GPR160: variants seen among roughly 807,000 people sequenced by gnomAD.
GPR160 encodes probable G protein-coupled receptor 160.
A neutral mutation model predicts 2.6 loss-of-function variants in GPR160; 2 were observed. That is an observed-to-expected ratio of 0.77 (90% confidence interval 0.32 to 2.44). The LOEUF (loss-of-function observed/expected upper bound fraction) is 2.44. Among genes scored for constraint, GPR160 ranks in the 30% most tolerant of loss-of-function variants. The pLI, the probability that GPR160 is intolerant of heterozygous loss-of-function variation, is 0.11. For synonymous variants in GPR160, 130 were observed against 132.2 expected, an observed-to-expected ratio of 0.98 and a Z score of 0.12; for missense variants, 351 against 383.6, an observed-to-expected ratio of 0.91 and a Z score of 0.71.
chr3:170,048,766 G>T (rs1716837778), intron 2 of GPR160, among the ~76,000 whole-genome samples: 1 of 152,234 alleles, frequency 6.6e-6, no homozygotes. Flanking sequence ...GTTGCTGTTT[G>T]TGTCGCCGGG....
intron 2 of GPR160, among the ~76,000 whole-genome samples, chr3:170,069,911 T>C (rs1031538702): frequency 6.6e-6 from 1 of 152,084 alleles, no homozygotes; most frequent in Non-Finnish European, 1.5e-5. Context: ...CGGTTTCTCC[T>C]GGGGCCTTTT....
intron 2 of GPR160, among the ~76,000 whole-genome samples, chr3:170,055,071 G>C (rs1325717810): frequency 6.6e-6 from 1 of 152,208 alleles, no homozygotes; most frequent in Non-Finnish European, 1.5e-5. Flanking sequence ...TGGGATTATA[G>C]GCATAAGCCA....
chr3:170,068,229 C>T (rs1712439291), intron 2 of GPR160, among the ~76,000 whole-genome samples: 1 of 151,982 alleles, frequency 6.6e-6, no homozygotes, highest in African/African-American at 2.4e-5. Flanking sequence ...ACTGCAACCT[C>T]TGCCTCCCAG....
At chr3:170,080,665 G>A (rs999877101) in intron 3 of GPR160, among the ~76,000 whole-genome samples, 1 of 152,170 alleles carries the variant, frequency 6.6e-6, no homozygotes, top group Non-Finnish European at 1.5e-5. Context: ...AGTCAATGAT[G>A]AAACGGGAAC....
chr3:170,056,625 C>G (rs1432937200), intron 2 of GPR160, among the ~76,000 whole-genome samples: 1 of 152,130 alleles, frequency 6.6e-6, no homozygotes, highest in East Asian at 1.9e-4. Flanking sequence ...CAGTTTTAAT[C>G]CATAACTGGT....
Position 170,050,123 on chromosome 3 carries a change from G to A in GPR160, c.-193+11080G>A, listed in dbSNP as rs186823381. 9.7e-4 allele frequency among the ~76,000 whole-genome samples: 146 copies of A among 150,680 alleles called. 1 individual carries two copies. The highest frequency in any genetic ancestry group is 3.5e-3 in the Middle Eastern group (1 of 286). On this transcript the variant is annotated intron_variant, in intron 2 of 3. Transcript: ENST00000355897. The stretch of plus-strand genomic sequence containing the variant: ...TGACCAGGCTGGAGTGCAATGGTGC[G>A]TTCTCGGCTCACTGCAACCTCCACC...
chr3:170,061,648 A>G (rs1711962139), intron 2 of GPR160, among the ~76,000 whole-genome samples: 1 of 152,194 alleles, frequency 6.6e-6, no homozygotes, highest in Admixed American at 6.5e-5. Context: ...GAAGTCTTAT[A>G]AGACCACACT....
chr3:170,075,631 A>G (rs1276465214), intron 2 of GPR160, among the ~76,000 whole-genome samples: 1 of 152,218 alleles, frequency 6.6e-6, no homozygotes, highest in Admixed American at 6.5e-5. Context: ...TCCCCAGCCC[A>G]TGATGGGGAA....
chr3:170,062,421 A>T, intron 2 of GPR160: 1 of 454,110 alleles, frequency 2.2e-6, no homozygotes. Flanking sequence ...AATGCTCTGG[A>T]ATGTGTTCCA....
intron 2 of GPR160, among the ~76,000 whole-genome samples, chr3:170,040,987 GCTCCAGATTTCTTTT>G (rs563230065): frequency 0.022 from 3,313 of 152,210 alleles, 57 homozygotes; most frequent in Middle Eastern, 0.034. Context: ...CATCAGGCTT[GCTCCAGATTTCTTTT>G]CTCCAGATTT....
In GPR160 at chr3:170,084,564, A is replaced by G. The variant is rs1336591947; in HGVS notation, c.592A>G (p.Ile198Val). The change falls in exon 4 of 4, where the codon ATA becomes GTA. Residue 198 changes from isoleucine to valine, a missense_variant. By Grantham distance (29) the Ile-to-Val change is conservative. Transcript: ENST00000355897. ...FMVMILFVAF[I>V]TCWEEVTTLV... Reference sequence around the variant, plus strand: ...GGTGATGATTTTATTTGTAGCTTTCATAACCTGTTGGGAAGAAGTTACTAC... The same window carrying G: ...GGTGATGATTTTATTTGTAGCTTTCGTAACCTGTTGGGAAGAAGTTACTAC... 1 of 1,612,986 alleles carries G rather than the reference A, an allele frequency of 6.2e-7. No homozygotes were observed. Among genetic ancestry groups the G allele is most frequent in the Non-Finnish European group, 8.5e-7 (1 of 1,178,934 alleles).
At chr3:170,052,878 T>C (rs149423707) in intron 2 of GPR160, among the ~76,000 whole-genome samples, 95 of 152,332 alleles carry the variant, frequency 6.2e-4, no homozygotes, top group African/African-American at 2.2e-3. Flanking sequence ...TCTCCTGAGT[T>C]AATTTCTGTT....
chr3:170,060,202 C>T (rs1711868875), intron 2 of GPR160, among the ~76,000 whole-genome samples: 1 of 151,990 alleles, frequency 6.6e-6, no homozygotes, highest in Non-Finnish European at 1.5e-5. Flanking sequence ...TTTAAGCATT[C>T]AAAAGAAGAA....
At chr3:170,082,762 A>ATTT (rs536711258) in intron 3 of GPR160, among the ~76,000 whole-genome samples, 48 of 141,014 alleles carry the variant, frequency 3.4e-4, no homozygotes, top group African/African-American at 1.1e-3. Flanking sequence ...TGCCCAGGTA[A>ATTT]TTTTTTTTTT....
At chr3:170,074,668 A>G (rs1712767733) in intron 2 of GPR160, among the ~76,000 whole-genome samples, 1 of 151,814 alleles carries the variant, frequency 6.6e-6, no homozygotes, top group Admixed American at 6.6e-5. Flanking sequence ...TTTTTGATAG[A>G]GATGAGGTTT....
intron 2 of GPR160, among the ~76,000 whole-genome samples, chr3:170,078,874 G>A (rs1712993124): frequency 6.6e-6 from 1 of 152,104 alleles, no homozygotes; most frequent in Non-Finnish European, 1.5e-5. Flanking sequence ...AGGGAAAGGA[G>A]CAGGCCTTCT....
chr3:170,057,095 G>A (rs1711683415), intron 2 of GPR160, among the ~76,000 whole-genome samples: 1 of 152,164 alleles, frequency 6.6e-6, no homozygotes, highest in Admixed American at 6.5e-5. Context: ...ATGACATCTG[G>A]TCAAGATGGC....
At chr3:170,051,303 A>G (rs1475884285) in intron 2 of GPR160, among the ~76,000 whole-genome samples, 6 of 152,192 alleles carry the variant, frequency 3.9e-5, no homozygotes, top group Non-Finnish European at 8.8e-5. Flanking sequence ...ATATAGATCT[A>G]TATCATCTTT....
chr3:170,044,360 G>A lies in GPR160; in HGVS notation c.-193+5317G>A, dbSNP rs922491082. Among the ~76,000 whole-genome samples the A allele has an allele frequency of 7.4e-5, 11 of 148,192 alleles. No homozygotes were observed. The East Asian group carries it at 2.0e-3, about 26-fold the overall frequency. On this transcript the variant is annotated intron_variant, in intron 2 of 3. Transcript: ENST00000355897. ...AAAAAGAGAAGAGAAAAATGGGAAA[G>A]AGCATATTCCTTTGAGGAAATGAGA... is the stretch of plus-strand genomic sequence containing the variant.
Sources: gnomAD v4.1 joint callset for allele counts (sites outside exome capture counted in the v4.1 genomes callset) on GRCh38, gnomAD v4.1.1 for gene constraint, MANE v1.5 for transcripts, NCBI Gene and HGNC (gene_info 2026-07-23, HGNC 2026-07-21) for gene names.